The following HMCN1 variants were observed in gnomAD, a reference collection of about 807,000 sequenced individuals.
HMCN1 encodes hemicentin 1.
Under a neutral mutation model 625.9 loss-of-function variants are expected in HMCN1, and 321 were observed. That is an observed-to-expected ratio of 0.51 (90% CI 0.47 to 0.56). The LOEUF is 0.56. HMCN1 is among the 20% of genes least tolerant of loss of function. HMCN1 has a pLI of 0.00. For missense variants in HMCN1, 6,588 were observed against 6,887.3 expected (o/e 0.96, Z 1.54); for synonymous variants, 2,425 against 2,417.6 (o/e 1.00, Z -0.09).
At chr1:185,827,253 A>G (rs1441676529) in intron 1 of HMCN1, among the ~76,000 whole-genome samples, 1 of 151,958 alleles carries the variant, frequency 6.6e-6, no homozygotes, top group Non-Finnish European at 1.5e-5. Context: ...GGAGAAAATA[A>G]TAGCTAAACA....
chr1:185,814,098 G>C (rs1659696660), intron 1 of HMCN1, among the ~76,000 whole-genome samples: 2 of 152,140 alleles, frequency 1.3e-5, no homozygotes, highest in South Asian at 4.1e-4. Flanking sequence ...CAAAGTTTTA[G>C]ATATGGATAG....
intron 4 of HMCN1, among the ~76,000 whole-genome samples, chr1:185,875,610 G>A (rs1663878548): frequency 3.3e-5 from 5 of 151,916 alleles, no homozygotes; most frequent in Admixed American, 3.3e-4. Context: ...TGACACTATG[G>A]ATCATTTTGC....
chr1:186,011,464 A>G (rs148523923), intron 30 of HMCN1, among the ~76,000 whole-genome samples: 23 of 152,286 alleles, frequency 1.5e-4, no homozygotes, highest in Non-Finnish European at 2.5e-4. Context: ...GTGCATATTC[A>G]TTGCTTGGAA....
chr1:185,770,529 T>C (rs964332798), intron 1 of HMCN1, among the ~76,000 whole-genome samples: 2 of 152,216 alleles, frequency 1.3e-5, no homozygotes, highest in African/African-American at 4.8e-5. Context: ...GCTTTTGTTT[T>C]ATAATGCAGT....
In HMCN1 at chr1:186,087,339, T is replaced by G; in HGVS notation, c.9160+9T>G. 6.2e-7 allele frequency: 1 copy of G among 1,607,416 alleles called. No individual in the cohort carries two copies. The highest frequency in any genetic ancestry group is 1.7e-5 in the Admixed American group (1 of 59,864). The stretch of plus-strand genomic sequence containing the variant: ...TTCCCTGACTGTTTATGGTTCGTTT[T>G]TACTCTCTTCATAAAATTCTTTTAT... On this transcript the variant is annotated intron_variant, in intron 59 of 106. Coordinates refer to ENST00000271588, the MANE Select transcript of HMCN1 (RefSeq NM_031935.3).
intron 105 of HMCN1, 32 bp from the exon 106 acceptor site, chr1:186,187,851 C>T (rs981671634): frequency 5.0e-6 from 8 of 1,613,192 alleles, no homozygotes; most frequent in African/African-American, 1.3e-5. Context: ...ACCCTCACTG[C>T]TGATGCTGCA....
chr1:186,071,960 G>A (rs1658504976), intron 52 of HMCN1, among the ~76,000 whole-genome samples: 1 of 151,956 alleles, frequency 6.6e-6, no homozygotes, highest in Admixed American at 6.6e-5. Context: ...TTAAAAACTG[G>A]GTAAAGACTA....
At chr1:186,048,277 T>C (rs1656709472) in intron 41 of HMCN1, among the ~76,000 whole-genome samples, 1 of 152,092 alleles carries the variant, frequency 6.6e-6, no homozygotes, top group Non-Finnish European at 1.5e-5. Flanking sequence ...CCAAACTGGG[T>C]AGTAGAAGAA....
chr1:186,179,479 T>C (rs959720603), intron 104 of HMCN1, among the ~76,000 whole-genome samples: 2 of 151,186 alleles, frequency 1.3e-5, no homozygotes, highest in Admixed American at 1.3e-4. Context: ...CTCATTTAAC[T>C]CAATTTTCTG....
chr1:186,150,670 G>A (rs1204774443), intron 93 of HMCN1, among the ~76,000 whole-genome samples: 1 of 152,020 alleles, frequency 6.6e-6, no homozygotes, highest in Non-Finnish European at 1.5e-5. Flanking sequence ...TTCTCATGAA[G>A]GAGGCAACAA....
chr1:185,977,846 A>G lies in HMCN1; in HGVS notation c.2431A>G (p.Thr811Ala). The G allele has an allele frequency of 6.2e-7, 1 of 1,613,328 alleles. No homozygotes were observed. The highest frequency in any genetic ancestry group is 2.2e-5 in the East Asian group (1 of 44,786). The change falls in exon 16 of 107, where the codon ACA becomes GCA. Residue 811 changes from threonine (T) to alanine (A), a missense_variant. This residue lies in a region of HMCN1 where 4,628 missense variants were observed against 4,853.1 expected (regional missense o/e 0.95). Transcript: ENST00000271588. The part of the protein sequence containing the change: ...DVSMEIGSNV[T>A]LPCYVQGYPE... ...GTCTATGGAAATTGGCTCAAATGTG[A>G]CATTACCTTGTTATGTTCAGGGTTA... is the stretch of plus-strand genomic sequence containing the variant.
chr1:185,953,191 T>C (rs1649363047), intron 11 of HMCN1, among the ~76,000 whole-genome samples: 1 of 149,408 alleles, frequency 6.7e-6, no homozygotes, highest in South Asian at 2.1e-4. Flanking sequence ...AGAGAAGGGA[T>C]AGAGACAAGG....
intron 71 of HMCN1, among the ~76,000 whole-genome samples, chr1:186,110,977 C>CTTTTTCTTTTTTTTTTTTTTTTT (rs1660848196): frequency 4.9e-5 from 3 of 61,648 alleles, no homozygotes; most frequent in African/African-American, 2.9e-4. Flanking sequence ...AGAGAAAATT[C>CTTTTTCTTTTTTTTTTTTTTTTT]TTTTTTTTTT....
At chr1:186,139,459 T>A (rs1194693471) in intron 89 of HMCN1, among the ~76,000 whole-genome samples, 3 of 152,346 alleles carry the variant, frequency 2.0e-5, no homozygotes, top group Admixed American at 1.3e-4. Context: ...TCATCTATAA[T>A]AACTATATAA....
chr1:185,826,042 C>T (rs1017338343), intron 1 of HMCN1, among the ~76,000 whole-genome samples: 4 of 152,090 alleles, frequency 2.6e-5, no homozygotes, highest in Non-Finnish European at 5.9e-5. Context: ...CTGGGCTGTG[C>T]TATTCATTTG....
At chr1:186,075,615 ATTG>A (rs1051448374) in intron 53 of HMCN1, among the ~76,000 whole-genome samples, 29 of 152,232 alleles carry the variant, frequency 1.9e-4, no homozygotes, top group African/African-American at 6.7e-4. Context: ...ACCTGCCATT[ATTG>A]TTGTTTATAT....
intron 2 of HMCN1, 137 bp from the exon 3 acceptor site, chr1:185,864,333 T>C (rs1558024041): frequency 5.1e-6 from 4 of 790,762 alleles, no homozygotes. Flanking sequence ...CCATCCCTTC[T>C]TGAACAAAGT....
intron 5 of HMCN1, among the ~76,000 whole-genome samples, chr1:185,910,642 C>T (rs1666360650): frequency 6.6e-6 from 1 of 150,812 alleles, no homozygotes; most frequent in South Asian, 2.1e-4. Context: ...ATGACCTCAG[C>T]TCATTGCAAC....
chr1:186,074,719 C>T, intron 52 of HMCN1, 22 bp from the exon 53 acceptor site: 1 of 1,609,698 alleles, frequency 6.2e-7, no homozygotes, highest in Non-Finnish European at 8.5e-7. Flanking sequence ...TTAATGCTAA[C>T]ATTGTTATAA....
Sources: gnomAD v4.1 joint callset for allele counts (sites outside exome capture counted in the v4.1 genomes callset) on GRCh38, gnomAD v4.1.1 for gene constraint, gnomAD v4.1.1 regional missense constraint, MANE v1.5 for transcripts, NCBI Gene and HGNC (gene_info 2026-07-23, HGNC 2026-07-21) for gene names.